Variants in ATP1A3 observed in about 807,000 individuals in gnomAD.
ATP1A3 encodes the protein sodium/potassium-transporting ATPase subunit alpha-3.
A neutral mutation model predicts 108.8 loss-of-function variants in ATP1A3; 12 were observed. That is an observed-to-expected ratio of 0.11 (90% CI 0.07 to 0.18). The LOEUF (loss-of-function observed/expected upper bound fraction) is 0.18, where lower values mean the gene tolerates loss of function less well. Ranked by LOEUF, ATP1A3 falls within the 10% of genes least tolerant of loss-of-function variation. ATP1A3 has a pLI of 1.00. For synonymous variants in ATP1A3, 539 were observed against 564.5 expected, an observed-to-expected ratio of 0.95 and a Z score of 0.64; for missense variants, 498 against 1,387.7, an observed-to-expected ratio of 0.36 and a Z score of 10.19.
chr19:41,993,831 G>C, intron 1 of ATP1A3: 1 of 717,440 alleles, frequency 1.4e-6, no homozygotes, highest in Admixed American at 2.8e-5. Flanking sequence ...AGATGCTGAG[G>C]GCTGGCCCAC....
Position 41,986,215 on chromosome 19 carries a change from G to A in ATP1A3, c.372C>T (p.Ile124=), listed in dbSNP as rs1555865416. The A allele has an allele frequency of 1.9e-6, 3 of 1,613,948 alleles. No homozygotes were observed. Among genetic ancestry groups the A allele is most frequent in the Admixed American group, 3.3e-5 (2 of 60,006 alleles). Residue 124 remains isoleucine (I), a synonymous_variant, in exon 5 of 23, where the codon ATC becomes ATT. Coordinates refer to ENST00000648268, the MANE Select transcript of ATP1A3 (RefSeq NM_152296.5). Reference sequence around the variant, plus strand: ...TGATGATCACCACGGCCGCCAGCACGATGCCCAGGTACAGCTGTGGGGAGA... The same window carrying A: ...TGATGATCACCACGGCCGCCAGCACAATGCCCAGGTACAGCTGTGGGGAGA... The part of the protein sequence containing the change: ...DPSGDNLYLG[I]VLAAVVIITG...
chr19:41,980,519 T>C (rs1485216098), intron 11 of ATP1A3, among the ~76,000 whole-genome samples: 9 of 151,940 alleles, frequency 5.9e-5, no homozygotes, highest in Admixed American at 6.6e-5. Flanking sequence ...GAGGCTGAGA[T>C]ATGAGAATCA....
At chr19:41,979,117 C>G (rs1478245466) in intron 11 of ATP1A3, among the ~76,000 whole-genome samples, 4 of 151,856 alleles carry the variant, frequency 2.6e-5, no homozygotes, top group Admixed American at 6.6e-5. Flanking sequence ...ATTCTCCTGC[C>G]TCAGCCTCCG....
intron 14 of ATP1A3, among the ~76,000 whole-genome samples, chr19:41,977,424 G>A (rs185268044): frequency 6.6e-6 from 1 of 151,740 alleles, no homozygotes; most frequent in East Asian, 2.0e-4. Context: ...AGTGGCTCAC[G>A]CCTGTAATCC....
chr19:41,967,714 A>G lies in ATP1A3; in HGVS notation c.2869T>C (p.Phe957Leu). 6.2e-7 allele frequency: 1 copy of G among 1,614,072 alleles called. No individual in the cohort carries two copies. Among genetic ancestry groups the G allele is most frequent in the Non-Finnish European group, 8.5e-7 (1 of 1,179,986 alleles). The part of the protein sequence containing the change: ...GLFEETALAA[F>L]LSYCPGMDVA... ...TCCATGCCGGGGCAGTAGGACAGGAAGGCAGCCAGGGCCGTCTCCTCAAAC... is the reference window on the plus strand; with the variant it reads ...TCCATGCCGGGGCAGTAGGACAGGAGGGCAGCCAGGGCCGTCTCCTCAAAC... Residue 957 changes from phenylalanine (F) to leucine (L), a missense_variant, in exon 21 of 23, where the codon TTC (phenylalanine) becomes CTC (leucine). Coordinates refer to ENST00000648268, the MANE Select transcript of ATP1A3 (RefSeq NM_152296.5). The surrounding 1 kb of genome is among the most constrained non-coding windows in gnomAD (Gnocchi z 4.2).
intron 16 of ATP1A3, among the ~76,000 whole-genome samples, chr19:41,972,887 G>T (rs1444951282): frequency 7.5e-6 from 1 of 133,490 alleles, no homozygotes; most frequent in Non-Finnish European, 1.6e-5. Context: ...GGCAGGCAGG[G>T]ACGGAGGGAG....
rs1599701809 is a variant in ATP1A3, at chr19:41,966,806, G to A, written c.*131C>T. ...GTGGGGGCGGCAGGAGATAGTGGAGGGGGTGGGGGCCAAGGTGGGGCCACA... is the reference window on the plus strand; with the variant it reads ...GTGGGGGCGGCAGGAGATAGTGGAGAGGGTGGGGGCCAAGGTGGGGCCACA... On this transcript the variant is annotated 3_prime_UTR_variant, in exon 23 of 23. Coordinates refer to ENST00000648268, the MANE Select transcript of ATP1A3 (RefSeq NM_152296.5). 6.5e-7 allele frequency: 1 copy of A among 1,537,226 alleles called. No homozygotes were observed. Among genetic ancestry groups the A allele is most frequent in the Non-Finnish European group, 8.8e-7 (1 of 1,137,572 alleles).
chr19:41,987,859 G>A (rs1404135209), intron 4 of ATP1A3, 77 bp downstream of exon 4: 4 of 1,539,472 alleles, frequency 2.6e-6, no homozygotes, highest in Non-Finnish European at 3.6e-6. Flanking sequence ...AAGCTTAGAG[G>A]GATGGGAAGA....
At chr19:41,991,614 G>C (rs2075339322) in intron 1 of ATP1A3, among the ~76,000 whole-genome samples, 1 of 152,182 alleles carries the variant, frequency 6.6e-6, no homozygotes, top group Non-Finnish European at 1.5e-5. Flanking sequence ...TCAGGAGAGA[G>C]AGAGGGAGAA....
In ATP1A3 at chr19:41,985,791, G is replaced by C; in HGVS notation, c.606+73C>G. On this transcript the variant is annotated intron_variant, in intron 6 of 22. Coordinates refer to ENST00000648268, the MANE Select transcript of ATP1A3 (RefSeq NM_152296.5). This position sits in a 1 kb window ranked among gnomAD's most constrained non-coding sequence, Gnocchi z 8.2. ...TTGGGACCTGGACTCCTGAGTGTGAGGGAGGAGGGGCTGGGCCTGAGCTCC... is the reference window on the plus strand; with the variant it reads ...TTGGGACCTGGACTCCTGAGTGTGACGGAGGAGGGGCTGGGCCTGAGCTCC... 1.3e-6 allele frequency: 2 copies of C among 1,595,552 alleles called. No individual in the cohort carries two copies. The highest frequency in any genetic ancestry group is 2.2e-5 in the South Asian group (2 of 90,046).
At chr19:41,974,700 T>C (rs1280376073) in intron 16 of ATP1A3, among the ~76,000 whole-genome samples, 1 of 152,250 alleles carries the variant, frequency 6.6e-6, no homozygotes, top group African/African-American at 2.4e-5. Flanking sequence ...GTGATTCTAC[T>C]TTTTTCCTGA....
In ATP1A3 at chr19:41,971,731, A is replaced by G. The variant is rs556325324; in HGVS notation, c.2264-1189T>C. Among the ~76,000 whole-genome samples, 4 of 152,174 alleles carry G rather than the reference A, an allele frequency of 2.6e-5. No individual in the cohort carries two copies. The East Asian group carries it at 5.8e-4, about 22-fold the overall frequency. ...CAGGATAATGGTTATGTCTAGGAGG[A>G]GGGATATAGACTGGAAGAGAGCAGA... is the stretch of plus-strand genomic sequence containing the variant. On this transcript the variant is annotated intron_variant, in intron 16 of 22. Coordinates refer to ENST00000648268, the MANE Select transcript of ATP1A3 (RefSeq NM_152296.5).
At position 41,967,959 on chromosome 19, in the gene ATP1A3, C is replaced by T. The variant is rs990515069; in HGVS notation, c.2820-196G>A. 4.0e-5 allele frequency among the ~76,000 whole-genome samples: 6 copies of T among 151,418 alleles called. No homozygotes were observed. Among genetic ancestry groups the T allele is most frequent in the Non-Finnish European group, 7.4e-5 (5 of 67,916 alleles). ...GAGAGAGACAAAGATAGAGGCAGAG[C>T]GATGGTGACACAGAAAGAGACAAAA... is the stretch of plus-strand genomic sequence containing the variant. On this transcript the variant is annotated intron_variant, in intron 20 of 22. Transcript: ENST00000648268. This position sits in a 1 kb window ranked among gnomAD's most constrained non-coding sequence, Gnocchi z 4.2.
intron 16 of ATP1A3, among the ~76,000 whole-genome samples, chr19:41,971,173 A>G (rs2075104928): frequency 1.3e-5 from 2 of 150,674 alleles, no homozygotes; most frequent in South Asian, 4.2e-4. Flanking sequence ...CACTTTTCCT[A>G]GGCTTGTCTA....
At chr19:41,970,926 C>T (rs1273851468) in intron 16 of ATP1A3, among the ~76,000 whole-genome samples, 2 of 151,804 alleles carry the variant, frequency 1.3e-5, no homozygotes, top group Non-Finnish European at 2.9e-5. Flanking sequence ...GCCACCGCGC[C>T]CGGCCTGTCC....
chr19:41,967,824 G>T lies in ATP1A3; in HGVS notation c.2820-61C>A. 2.0e-6 allele frequency: 3 copies of T among 1,472,908 alleles called. No homozygotes were observed. The highest frequency in any genetic ancestry group is 1.2e-5 in the South Asian group (1 of 86,082). The allele number at this position is 1,472,908 out of a possible 1,614,324, so 91.2% of individuals were successfully genotyped here. A position where few individuals can be genotyped will look rare whatever the true frequency, so the allele number is the denominator to read the frequency against. ...GCACCCACCCTGCACCTGCCACCCC[G>T]CAGAGACAGGGGGAGGCACAGTGCA... On this transcript the variant is annotated intron_variant, in intron 20 of 22. Coordinates refer to ENST00000648268, the MANE Select transcript of ATP1A3 (RefSeq NM_152296.5). This position sits in a 1 kb window ranked among gnomAD's most constrained non-coding sequence, Gnocchi z 4.2.
chr19:41,988,536 G>C lies in ATP1A3; in HGVS notation c.33C>G (p.Pro11=). 1 of 1,614,172 alleles carries C rather than the reference G, an allele frequency of 6.2e-7. No individual in the cohort carries two copies. Among genetic ancestry groups the C allele is most frequent in the African/African-American group, 1.3e-5 (1 of 75,032 alleles). MGDKKDDKDS[P]KKNKGKERRD... is the part of the protein sequence containing the mutation. ...GGCGCTCCTTGCCCTTGTTCTTCTT[G>C]GGTGAGTCCTTGTCATCTTTCTTGT... is the stretch of plus-strand genomic sequence containing the variant. Residue 11 remains proline, a synonymous_variant, in exon 2 of 23, where the codon CCC becomes CCG. Coordinates refer to ENST00000648268, the MANE Select transcript of ATP1A3 (RefSeq NM_152296.5). The surrounding 1 kb of genome is among the most constrained non-coding windows in gnomAD (Gnocchi z 5.3).
At chr19:41,975,902 G>A (rs1555860937) in intron 15 of ATP1A3, 105 bp from the exon 16 acceptor site, 6 of 1,479,224 alleles carry the variant, frequency 4.1e-6, no homozygotes, top group Non-Finnish European at 5.6e-6. Context: ...TTCAGACCTA[G>A]AAGTTCAGGT....
Position 41,988,255 on chromosome 19 carries a change from G to A in ATP1A3, c.153+63C>T. 1 of 1,613,080 alleles carries A rather than the reference G, an allele frequency of 6.2e-7. No homozygotes were observed. The highest frequency in any genetic ancestry group is 1.1e-5 in the South Asian group (1 of 91,048). On this transcript the variant is annotated intron_variant, in intron 3 of 22. Coordinates refer to ENST00000648268, the MANE Select transcript of ATP1A3 (RefSeq NM_152296.5). The surrounding 1 kb of genome is among the most constrained non-coding windows in gnomAD (Gnocchi z 5.3). The stretch of plus-strand genomic sequence containing the variant: ...ACAGCCCCTCCTCCCTCAGACCCAG[G>A]GGTCCTAGCCCCCAGCTCCTCCTCC...
Sources: gnomAD v4.1 joint callset for allele counts (sites outside exome capture counted in the v4.1 genomes callset) on GRCh38, gnomAD v4.1.1 for gene constraint, Gnocchi (gnomAD v3.1) non-coding constraint, MANE v1.5 for transcripts, NCBI Gene and HGNC (gene_info 2026-07-23, HGNC 2026-07-21) for gene names.